SPDYE3: variants seen among roughly 807,000 people sequenced by gnomAD.
SPDYE3 encodes speedy/RINGO cell cycle regulator family member E3.
SPDYE3 carries 15 observed loss-of-function variants against 55.0 expected under a neutral mutation model. The observed-to-expected ratio is 0.27, with a 90% CI of 0.18 to 0.42. SPDYE3 has a LOEUF of 0.42. Among genes scored for constraint, SPDYE3 ranks in the 10% least tolerant of loss-of-function variants. The pLI is 1.00. For missense variants in SPDYE3, 236 were observed against 576.7 expected (o/e 0.41, Z 6.05); for synonymous variants, 89 against 229.9 (o/e 0.39, Z 5.55).
At chr7:100,315,984 T>G in intron 7 of SPDYE3, 141 bp downstream of exon 7, 2 of 1,404,024 alleles carry the variant, frequency 1.4e-6, no homozygotes, top group Non-Finnish European at 2.0e-6. Flanking sequence ...TTTTGTTTTT[T>G]TTTGTGAGAC....
chr7:100,320,843 C>T, intron 10 of SPDYE3, 48 bp from the exon 11 acceptor site: 1 of 1,173,324 alleles, frequency 8.5e-7, no homozygotes, highest in South Asian at 1.2e-5. Flanking sequence ...ACCTTCCTGT[C>T]TAGAGAGCTG....
chr7:100,321,522 T>A lies in SPDYE3; in HGVS notation c.*677T>A, dbSNP rs1201997638. On this transcript the variant is annotated 3_prime_UTR_variant, in exon 11 of 11. Coordinates refer to ENST00000332397, the MANE Select transcript of SPDYE3 (RefSeq NM_001004351.5). Reference sequence around the variant, plus strand: ...GTGAGAATTCTTTTTATCCTAAATCTTTTATTATCTTTAAATTTTTCTCTG... The same window carrying A: ...GTGAGAATTCTTTTTATCCTAAATCATTTATTATCTTTAAATTTTTCTCTG... The A allele has an allele frequency of 1.3e-5, 2 of 159,960 alleles. No individual in the cohort carries two copies. Among genetic ancestry groups the A allele is most frequent in the Non-Finnish European group, 2.7e-5 (2 of 73,178 alleles). The allele number at this position is 159,960 out of a possible 1,614,324, so 9.9% of individuals were successfully genotyped here.
rs1230391353 is a variant in SPDYE3, at chr7:100,319,558, T to C, written c.1347-7T>C. 6.2e-7 allele frequency: 1 copy of C among 1,614,108 alleles called. No individual in the cohort carries two copies. Among genetic ancestry groups the C allele is most frequent in the Non-Finnish European group, 8.5e-7 (1 of 1,180,008 alleles). On this transcript the variant is annotated splice_polypyrimidine_tract_variant and splice_region_variant and intron_variant, in intron 8 of 10. Coordinates refer to ENST00000332397, the MANE Select transcript of SPDYE3 (RefSeq NM_001004351.5). ...CCCCTGAGCAGCAACCTGATTTCTGTCCTCAGCTATCTGGCCAATGACATG... is the reference window on the plus strand; with the variant it reads ...CCCCTGAGCAGCAACCTGATTTCTGCCCTCAGCTATCTGGCCAATGACATG...
chr7:100,319,651 T>A lies in SPDYE3; in HGVS notation c.1433T>A (p.Ile478Lys), dbSNP rs777054893. The change falls in exon 9 of 11, where the codon ATA becomes AAA. Residue 478 changes from isoleucine (I) to lysine (K), a missense_variant. Transcript: ENST00000332397. ...YFLYGKTHSH[I>K]PLRPKHWFQL... ...CTGTACGGGAAGACCCACTCTCACATACCCTTGCGCCCTAAGCATTGGTTC... is the reference window on the plus strand; with the variant it reads ...CTGTACGGGAAGACCCACTCTCACAAACCCTTGCGCCCTAAGCATTGGTTC... 1 of 1,614,214 alleles carries A rather than the reference T, an allele frequency of 6.2e-7. No homozygotes were observed. The highest frequency in any genetic ancestry group is 1.1e-5 in the South Asian group (1 of 91,086).
At chr7:100,320,744 G>C in intron 10 of SPDYE3, 147 bp from the exon 11 acceptor site, 2 of 1,099,552 alleles carry the variant, frequency 1.8e-6, no homozygotes, top group Non-Finnish European at 2.3e-6. Flanking sequence ...CGATGGTTCA[G>C]AAGCAGGGTA....
Position 100,311,123 on chromosome 7 carries a change from AAAG to A in SPDYE3, c.544+554_544+556del, listed in dbSNP as rs1305095109. ...CGCTGTCTCAAAAAAAAAAAAAAAA[AAAG>A]AAGAAGAAAAAAAAGAAGGGTCAGA... is the stretch of plus-strand genomic sequence containing the variant. On this transcript the variant is annotated intron_variant, in intron 3 of 10. Transcript: ENST00000332397. Among the ~76,000 whole-genome samples the A allele has an allele frequency of 1.8e-4, 20 of 111,750 alleles. No homozygotes were observed. In the East Asian group the frequency reaches 3.1e-3, roughly 17 times the overall value. The allele number at this position is 111,750 out of a possible 152,430, so 73.3% of individuals were successfully genotyped here.
chr7:100,308,068 C>T (rs1805866417), intron 1 of SPDYE3, 77 bp downstream of exon 1: 1 of 1,453,290 alleles, frequency 6.9e-7, no homozygotes, highest in Non-Finnish European at 9.1e-7. Flanking sequence ...GGTAGCTCAC[C>T]CCTGTAACAC....
At chr7:100,319,830 G>A in intron 9 of SPDYE3, 22 bp downstream of exon 9, 2 of 1,614,080 alleles carry the variant, frequency 1.2e-6, no homozygotes, top group Non-Finnish European at 1.7e-6. Context: ...CTGGGGAGGT[G>A]GAGGATGTGG....
At chr7:100,318,055 G>A (rs1216443500) in intron 8 of SPDYE3, among the ~76,000 whole-genome samples, 1 of 151,744 alleles carries the variant, frequency 6.6e-6, no homozygotes. Flanking sequence ...AGGAGCGGAG[G>A]AGCGGACATG....
At position 100,322,005 on chromosome 7, in the gene SPDYE3, G is replaced by A. The variant is rs1182583753; in HGVS notation, c.*1160G>A. 1 of 151,374 alleles carries A rather than the reference G, an allele frequency of 6.6e-6. No homozygotes were observed. The highest frequency in any genetic ancestry group is 1.9e-4 in the East Asian group (1 of 5,172). The allele number at this position is 151,374 out of a possible 1,614,324, so 9.4% of individuals were successfully genotyped here. A position where few individuals can be genotyped will look rare whatever the true frequency, so the allele number is the denominator to read the frequency against. On this transcript the variant is annotated 3_prime_UTR_variant, in exon 11 of 11. Transcript: ENST00000332397. Reference sequence around the variant, plus strand: ...GTTATATACACATAAATATAATTTTGTTTTCCTTTTTAAGAGAGGATTCTT... The same window carrying A: ...GTTATATACACATAAATATAATTTTATTTTCCTTTTTAAGAGAGGATTCTT...
rs1805864693 is a variant in SPDYE3, at chr7:100,308,004, G to A, written c.106+13G>A. The A allele has an allele frequency of 6.5e-7, 1 of 1,539,876 alleles. No individual in the cohort carries two copies. Among genetic ancestry groups the A allele is most frequent in the African/African-American group, 1.4e-5 (1 of 73,274 alleles). ...TCGGGACCATCAGGTGAGGGGACTG[G>A]AGGAAGAAGAGGTGGCATAGGATTG... On this transcript the variant is annotated intron_variant, in intron 1 of 10. Coordinates refer to ENST00000332397, the MANE Select transcript of SPDYE3 (RefSeq NM_001004351.5).
Position 100,319,796 on chromosome 7 carries a change from G to A in SPDYE3, c.1578G>A (p.Glu526=). 2.5e-6 allele frequency: 4 copies of A among 1,614,168 alleles called. No homozygotes were observed. Among genetic ancestry groups the A allele is most frequent in the South Asian group, 2.2e-5 (2 of 91,084 alleles). Residue 526 remains glutamate, a synonymous_variant, in exon 9 of 11, where the codon GAG becomes GAA. Transcript: ENST00000332397. ...GCTGCAGGGCTTGGGTTTCCCCGGA[G>A]GAGTTGGAGGAGGTGGGTGGGGCCT... ...SMRCRAWVSP[E]ELEEIQAYDP...
At chr7:100,320,714 G>C (rs1377512595) in intron 10 of SPDYE3, 177 bp from the exon 11 acceptor site, 1 of 1,083,934 alleles carries the variant, frequency 9.2e-7, no homozygotes, top group African/African-American at 1.7e-5. Flanking sequence ...TCACCAAAGC[G>C]TGAGTTTCAC....
chr7:100,314,316 G>A, intron 5 of SPDYE3: 2 of 538,924 alleles, frequency 3.7e-6, no homozygotes, highest in Non-Finnish European at 3.2e-6. Flanking sequence ...ACCAGGGAAC[G>A]ATATGACGCA....
intron 1 of SPDYE3, 26 bp downstream of exon 1, chr7:100,308,017 T>C (rs1805865072): frequency 3.9e-6 from 6 of 1,532,416 alleles, no homozygotes; most frequent in South Asian, 1.2e-5. Context: ...GAAGAAGAGG[T>C]GGCATAGGAT....
chr7:100,315,213 A>G (rs1185837171), intron 6 of SPDYE3, among the ~76,000 whole-genome samples: 1 of 152,178 alleles, frequency 6.6e-6, no homozygotes, highest in African/African-American at 2.4e-5. Flanking sequence ...CAGGAGGCAG[A>G]GGTTGCAGTG....
rs746602741 is a variant in SPDYE3 at position 100,317,093 on chromosome 7, G to A, written c.1284G>A (p.Ala428=). ...SDKYLLAMVI[A]YFSRAGLPSW... ...AGTATCTCCTGGCTATGGTCATAGC[G>A]TATTTCAGCCGGGCCGGCCTCCCCT... Residue 428 remains alanine, a synonymous_variant, in exon 8 of 11, where the codon GCG becomes GCA. Coordinates refer to ENST00000332397, the MANE Select transcript of SPDYE3 (RefSeq NM_001004351.5). 3.5e-5 allele frequency: 56 copies of A among 1,610,570 alleles called. No homozygotes were observed. Among genetic ancestry groups the A allele is most frequent in the Non-Finnish European group, 4.5e-5 (53 of 1,178,834 alleles).
At chr7:100,308,638 G>A (rs1299425238) in intron 1 of SPDYE3, among the ~76,000 whole-genome samples, 3 of 151,938 alleles carry the variant, frequency 2.0e-5, no homozygotes, top group Non-Finnish European at 4.4e-5. Flanking sequence ...GAATCCGGGA[G>A]ATGGATGTTG....
At chr7:100,317,795 C>T (rs565508657) in intron 8 of SPDYE3, among the ~76,000 whole-genome samples, 37 of 148,698 alleles carry the variant, frequency 2.5e-4, no homozygotes, top group African/African-American at 9.1e-4. Flanking sequence ...GAAACCCTGT[C>T]TCCACTTAAA....
Sources: gnomAD v4.1 joint callset for allele counts (sites outside exome capture counted in the v4.1 genomes callset) on GRCh38, gnomAD v4.1.1 for gene constraint, MANE v1.5 for transcripts, NCBI Gene and HGNC (gene_info 2026-07-23, HGNC 2026-07-21) for gene names.